Variants in TTC21B observed in about 807,000 individuals in gnomAD.
TTC21B encodes the protein tetratricopeptide repeat protein 21B.
TTC21B carries 127 observed loss-of-function variants against 175.1 expected under a neutral mutation model. The ratio of observed to expected loss-of-function variants is 0.73; its 90% CI spans 0.63 to 0.84. TTC21B has a LOEUF of 0.84. Among genes scored for constraint, TTC21B ranks in the 40% least tolerant of loss-of-function variants. TTC21B has a pLI of 0.00. For synonymous variants in TTC21B, 524 were observed against 524.5 expected (o/e 1.00, Z 0.01); for missense variants, 1,561 against 1,558.3 (o/e 1.00, Z -0.03).
chr2:165,879,184 A>G (rs113618927), intron 27 of TTC21B, among the ~76,000 whole-genome samples: 2,520 of 152,282 alleles, frequency 0.017, 41 homozygotes, highest in Middle Eastern at 0.027. Flanking sequence ...TGATGACACA[A>G]TGAAAGAACT....
chr2:165,932,316 T>C (rs1320662706), intron 7 of TTC21B, among the ~76,000 whole-genome samples: 5 of 152,192 alleles, frequency 3.3e-5, no homozygotes, highest in Non-Finnish European at 7.4e-5. Flanking sequence ...TTTCAATGCC[T>C]GGAAAATTTA....
intron 1 of TTC21B, among the ~76,000 whole-genome samples, chr2:165,951,709 C>T (rs898140489): frequency 5.9e-5 from 9 of 152,188 alleles, no homozygotes; most frequent in African/African-American, 1.7e-4. Context: ...ACTGGGCTAG[C>T]TACTATGAAT....
chr2:165,904,150 T>C (rs1297347007), intron 19 of TTC21B, among the ~76,000 whole-genome samples: 1 of 104,122 alleles, frequency 9.6e-6, no homozygotes, highest in Non-Finnish European at 1.9e-5. Flanking sequence ...CTAAGCTAAA[T>C]TTATTTCTAA....
At chr2:165,929,545 T>G (rs1006871836) in intron 10 of TTC21B, 105 bp downstream of exon 10, 22 of 907,112 alleles carry the variant, frequency 2.4e-5, no homozygotes, top group Admixed American at 1.2e-4. Context: ...TTAAAATTAG[T>G]GTACACTAGT....
At chr2:165,944,435 G>A (rs1013142822) in intron 4 of TTC21B, among the ~76,000 whole-genome samples, 6 of 152,142 alleles carry the variant, frequency 3.9e-5, no homozygotes, top group Admixed American at 2.6e-4. Flanking sequence ...CACAGGTCCT[G>A]TGGGTATTTA....
rs1318410919 is a variant in TTC21B at position 165,888,408 on chromosome 2, T to C, written c.3330A>G (p.Glu1110=). The C allele has an allele frequency of 1.2e-6, 2 of 1,613,980 alleles. No homozygotes were observed. The highest frequency in any genetic ancestry group is 4.5e-5 in the East Asian group (2 of 44,814). ...GACCCTGAACAGTCTGAGGTTTTAG[T>C]TCCTTAAGAAGTTTTTCTGCTGTTC... ...AVRTAEKLLK[E]LKPQTVQGHV... The change falls in exon 25 of 29, where the codon GAA becomes GAG. Residue 1110 remains glutamate (E), a synonymous_variant. Transcript: ENST00000243344.
In TTC21B at chr2:165,929,645, T is replaced by C. The variant is rs2105343665; in HGVS notation, c.1185+5A>G. 3.8e-6 allele frequency: 6 copies of C among 1,597,808 alleles called. No homozygotes were observed. The highest frequency in any genetic ancestry group is 3.3e-4 in the Middle Eastern group (2 of 6,026). ...TCTACCAGCTGATAAAATAAAATACTGTACCGCAGATTTTCCAATGGATTG... is the reference window on the plus strand; with the variant it reads ...TCTACCAGCTGATAAAATAAAATACCGTACCGCAGATTTTCCAATGGATTG... On this transcript the variant is annotated splice_donor_5th_base_variant and intron_variant, in intron 10 of 28. Coordinates refer to ENST00000243344, the MANE Select transcript of TTC21B (RefSeq NM_024753.5).
intron 3 of TTC21B, chr2:165,947,843 G>T (rs930369910): frequency 5.3e-5 from 8 of 152,230 alleles, no homozygotes; most frequent in African/African-American, 1.9e-4. Flanking sequence ...AGCAGAGTTA[G>T]CACTCAGGTT....
chr2:165,914,680 T>TGTGTGTGTGTGTGTGTGCGCGCGCGCGC (rs1553511371), intron 15 of TTC21B, among the ~76,000 whole-genome samples: 2 of 144,162 alleles, frequency 1.4e-5, no homozygotes, highest in African/African-American at 5.5e-5. Flanking sequence ...TGTGTGTGTG[T>TGTGTGTGTGTGTGTGTGCGCGCGCGCGC]GTGTGTGTGT....
intron 19 of TTC21B, among the ~76,000 whole-genome samples, chr2:165,906,263 A>G (rs1685728839): frequency 6.7e-6 from 1 of 149,752 alleles, no homozygotes; most frequent in Non-Finnish European, 1.5e-5. Context: ...CTAAAAAAAA[A>G]AAAAAAAAAA....
At chr2:165,907,539 C>A in intron 19 of TTC21B, 139 bp downstream of exon 19, 1 of 668,266 alleles carries the variant, frequency 1.5e-6, no homozygotes. Flanking sequence ...AATTCATAAG[C>A]ATTCAATAAG....
At chr2:165,935,142 C>G (rs544769542) in intron 6 of TTC21B, among the ~76,000 whole-genome samples, 45 of 152,292 alleles carry the variant, frequency 3.0e-4, no homozygotes, top group Admixed American at 9.8e-4. Flanking sequence ...CGTCTAGGTC[C>G]GTTAAAAACA....
In TTC21B at chr2:165,919,415, A is replaced by G. The variant is rs371583620; in HGVS notation, c.1535T>C (p.Phe512Ser). The G allele has an allele frequency of 6.7e-5, 108 of 1,613,964 alleles. No homozygotes were observed. The highest frequency in any genetic ancestry group is 8.9e-5 in the Non-Finnish European group (105 of 1,179,958). ...KYLSGDIEAA[F>S]NNLQHCLEHN... ...TTCTAAGCAGTGCTGAAGGTTATTGAAAGCTGCTTCAATATCACCTAATAA... is the reference window on the plus strand; with the variant it reads ...TTCTAAGCAGTGCTGAAGGTTATTGGAAGCTGCTTCAATATCACCTAATAA... The change falls in exon 13 of 29, where the codon TTC (phenylalanine) becomes TCC (serine). Residue 512 changes from phenylalanine (F) to serine (S), a missense_variant. Phe to Ser is a radical substitution (Grantham distance 155). Coordinates refer to ENST00000243344, the MANE Select transcript of TTC21B (RefSeq NM_024753.5).
At chr2:165,938,176 A>G (rs1299657593) in intron 6 of TTC21B, among the ~76,000 whole-genome samples, 1 of 152,072 alleles carries the variant, frequency 6.6e-6, no homozygotes, top group African/African-American at 2.4e-5. Context: ...ATCAATTACC[A>G]ATGAAGGATG....
chr2:165,920,393 T>C (rs1215403514), intron 12 of TTC21B, among the ~76,000 whole-genome samples: 1 of 152,206 alleles, frequency 6.6e-6, no homozygotes, highest in Non-Finnish European at 1.5e-5. Flanking sequence ...GAAAACTAAC[T>C]GGCTGAGATA....
At chr2:165,891,032 GTTTCT>G in intron 22 of TTC21B, 44 bp from the exon 23 acceptor site, 1 of 1,488,606 alleles carries the variant, frequency 6.7e-7, no homozygotes. Flanking sequence ...ATTTTATACT[GTTTCT>G]TTTGTTGGTT....
At chr2:165,925,586 A>G (rs1686597284) in intron 11 of TTC21B, among the ~76,000 whole-genome samples, 1 of 152,168 alleles carries the variant, frequency 6.6e-6, no homozygotes, top group Admixed American at 6.5e-5. Context: ...AAGTGCTACA[A>G]CTTACTTATG....
In TTC21B at chr2:165,929,317, C is replaced by A; in HGVS notation, c.1204G>T (p.Ala402Ser). ...GKSAELIYLH[A>S]VLAMKKNKRQ... The stretch of plus-strand genomic sequence containing the variant: ...TTATTTTTCTTCATGGCAAGAACTG[C>A]ATGTAAATAGATTAATTCCTAGAAA... The change falls in exon 11 of 29, where the codon GCA becomes TCA. Residue 402 changes from alanine (A) to serine (S), a missense_variant. By Grantham distance (99) the Ala-to-Ser change is moderately conservative. Coordinates refer to ENST00000243344, the MANE Select transcript of TTC21B (RefSeq NM_024753.5). 6.2e-7 allele frequency: 1 copy of A among 1,607,884 alleles called. No homozygotes were observed. Among genetic ancestry groups the A allele is most frequent in the Non-Finnish European group, 8.5e-7 (1 of 1,175,460 alleles).
At position 165,943,256 on chromosome 2, in the gene TTC21B, A is replaced by G; in HGVS notation, c.515T>C (p.Leu172Pro). The change falls in exon 5 of 29, where the codon CTC becomes CCC. Residue 172 changes from leucine to proline, a missense_variant. Coordinates refer to ENST00000243344, the MANE Select transcript of TTC21B (RefSeq NM_024753.5). ...KKALKYFEEGLQDGNDTFALL... is the reference protein window; with the variant it reads ...KKALKYFEEGPQDGNDTFALL... Reference sequence around the variant, plus strand: ...AGCAAAAGTATCATTCCCATCTTGGAGTCCCTCTTCAAAATACTTCAGTGC... The same window carrying G: ...AGCAAAAGTATCATTCCCATCTTGGGGTCCCTCTTCAAAATACTTCAGTGC... 2 of 1,613,590 alleles carry G rather than the reference A, an allele frequency of 1.2e-6. No individual in the cohort carries two copies. Among genetic ancestry groups the G allele is most frequent in the South Asian group, 2.2e-5 (2 of 91,054 alleles).
Sources: allele counts gnomAD v4.1 joint callset (sites outside exome capture counted in the v4.1 genomes callset), GRCh38; gene constraint gnomAD v4.1.1; transcripts MANE v1.5; gene names NCBI Gene and HGNC (gene_info 2026-07-23, HGNC 2026-07-21).